ZNF618: variants seen among roughly 807,000 people sequenced by gnomAD.
The protein encoded by ZNF618 is zinc finger protein 618.
In ZNF618, 34 loss-of-function variants were observed where a neutral mutation model predicts 103.0. The observed-to-expected ratio is 0.33, with a 90% confidence interval of 0.25 to 0.44. The LOEUF (loss-of-function observed/expected upper bound fraction) is 0.44, where lower values mean the gene tolerates loss of function less well. Ranked by LOEUF, ZNF618 falls within the 20% of genes least tolerant of loss-of-function variation. ZNF618 has a pLI of 1.00. For synonymous variants in ZNF618, 551 were observed against 542.2 expected (o/e 1.02, Z -0.23); for missense variants, 1,059 against 1,295.4 (o/e 0.82, Z 2.80).
At chr9:113,930,121 A>G (rs758687822) in intron 1 of ZNF618, among the ~76,000 whole-genome samples, 1 of 152,168 alleles carries the variant, frequency 6.6e-6, no homozygotes, top group Non-Finnish European at 1.5e-5. Context: ...AAGGAGACCT[A>G]GTGTTACACG....
intron 1 of ZNF618, among the ~76,000 whole-genome samples, chr9:113,917,758 A>T (rs1025093631): frequency 3.3e-5 from 5 of 152,190 alleles, no homozygotes; most frequent in African/African-American, 9.7e-5. Flanking sequence ...CACATTTTTT[A>T]AAAAACTTTG....
chr9:113,985,511 G>A (rs980521532), intron 2 of ZNF618, among the ~76,000 whole-genome samples: 2 of 152,222 alleles, frequency 1.3e-5, no homozygotes, highest in Admixed American at 6.5e-5. Context: ...AGGCGGGCCC[G>A]TGCTCCCCTC....
At chr9:113,993,075 A>C (rs898228364) in intron 3 of ZNF618, among the ~76,000 whole-genome samples, 1 of 152,218 alleles carries the variant, frequency 6.6e-6, no homozygotes, top group South Asian at 2.1e-4. Flanking sequence ...GAAATGAAAG[A>C]AAGGAAGTTA....
intron 13 of ZNF618, among the ~76,000 whole-genome samples, chr9:114,046,224 G>A (rs191825817): frequency 1.3e-4 from 20 of 151,812 alleles, no homozygotes; most frequent in African/African-American, 3.9e-4. Context: ...TTACCTAATC[G>A]TCTAGCTAGA....
intron 1 of ZNF618, among the ~76,000 whole-genome samples, chr9:113,880,499 T>A (rs1214177717): frequency 2.0e-5 from 3 of 152,184 alleles, no homozygotes; most frequent in South Asian, 2.1e-4. Context: ...ATATCCCGAC[T>A]CCCATATTCT....
chr9:114,018,542 A>G (rs1842823846), intron 10 of ZNF618, among the ~76,000 whole-genome samples: 1 of 152,212 alleles, frequency 6.6e-6, no homozygotes, highest in Non-Finnish European at 1.5e-5. Context: ...CCATGGAGTT[A>G]GTAAGATGGG....
chr9:113,900,385 G>A (rs1201177337), intron 1 of ZNF618, among the ~76,000 whole-genome samples: 2 of 152,152 alleles, frequency 1.3e-5, no homozygotes, highest in Non-Finnish European at 2.9e-5. Context: ...TTTTAAATGC[G>A]ATTAACCCTA....
At chr9:113,898,446 T>G (rs1362510686) in intron 1 of ZNF618, among the ~76,000 whole-genome samples, 1 of 151,320 alleles carries the variant, frequency 6.6e-6, no homozygotes, top group Non-Finnish European at 1.5e-5. Flanking sequence ...TCGTTTTTTT[T>G]TTTTTTTTTT....
chr9:113,894,398 A>T (rs760533339), intron 1 of ZNF618, among the ~76,000 whole-genome samples: 2 of 152,162 alleles, frequency 1.3e-5, no homozygotes, highest in Non-Finnish European at 2.9e-5. Context: ...AGCCTTCTGG[A>T]ATGTGCTGTA....
chr9:113,926,568 T>A (rs1423114048), intron 1 of ZNF618, among the ~76,000 whole-genome samples: 1 of 152,192 alleles, frequency 6.6e-6, no homozygotes, highest in Non-Finnish European at 1.5e-5. Context: ...TTTACACTCT[T>A]TTTTCTCTGT....
chr9:113,885,880 TG>T (rs1829023415), intron 1 of ZNF618, among the ~76,000 whole-genome samples: 1 of 152,166 alleles, frequency 6.6e-6, no homozygotes, highest in Non-Finnish European at 1.5e-5. Flanking sequence ...ATAAATATTT[TG>T]GCTGACAAAG....
At chr9:113,918,897 G>A (rs1009059082) in intron 1 of ZNF618, among the ~76,000 whole-genome samples, 2 of 152,178 alleles carry the variant, frequency 1.3e-5, no homozygotes, top group Non-Finnish European at 2.9e-5. Context: ...TGTCTGGCAC[G>A]TTGTGGAGTC....
rs1564281850 is a variant in ZNF618, at chr9:114,002,048, C to T, written c.486C>T (p.Phe162=). Residue 162 remains phenylalanine (F), a synonymous_variant, in exon 5 of 15, where the codon TTC becomes TTT. Coordinates refer to ENST00000374126, the MANE Select transcript of ZNF618 (RefSeq NM_001318042.2). ...CGKKYKYYNC[F]QTHVRAHRDT... ...AGAAGTACAAGTATTACAACTGCTT[C>T]CAGACCCACGTGCGGGCGCACCGAG... 6.2e-7 allele frequency: 1 copy of T among 1,613,834 alleles called. No individual in the cohort carries two copies. The highest frequency in any genetic ancestry group is 8.5e-7 in the Non-Finnish European group (1 of 1,179,850).
At chr9:113,985,752 C>T (rs777436845) in intron 2 of ZNF618, among the ~76,000 whole-genome samples, 7 of 152,158 alleles carry the variant, frequency 4.6e-5, no homozygotes, top group African/African-American at 1.2e-4. Context: ...ATCAGGTCCC[C>T]GTCCCACCTC....
chr9:114,004,066 A>C (rs1401094896), intron 6 of ZNF618, among the ~76,000 whole-genome samples: 1 of 152,230 alleles, frequency 6.6e-6, no homozygotes. Flanking sequence ...CATAATAAAT[A>C]AACATTACCA....
At chr9:114,006,563 C>T (rs1250647407) in intron 6 of ZNF618, among the ~76,000 whole-genome samples, 1 of 152,212 alleles carries the variant, frequency 6.6e-6, no homozygotes, top group Non-Finnish European at 1.5e-5. Context: ...AAACTCCAAC[C>T]TCATGTTAGT....
At position 114,049,521 on chromosome 9, in the gene ZNF618, C is replaced by T. The variant is rs375702223; in HGVS notation, c.2219C>T (p.Thr740Met). The change falls in exon 15 of 15, where the codon ACG becomes ATG. Residue 740 changes from threonine (T) to methionine (M), a missense_variant. Thr to Met is a moderately conservative substitution (Grantham distance 81). Coordinates refer to ENST00000374126, the MANE Select transcript of ZNF618 (RefSeq NM_001318042.2). The part of the protein sequence containing the change: ...HLLSNLAAIL[T>M]PVKQAVIELS... ...CTCAGCAACCTGGCGGCCATCCTGACGCCGGTGAAGCAGGCAGTCATCGAG... is the reference window on the plus strand; with the variant it reads ...CTCAGCAACCTGGCGGCCATCCTGATGCCGGTGAAGCAGGCAGTCATCGAG... The T allele has an allele frequency of 7.6e-5, 123 of 1,613,560 alleles. No homozygotes were observed. The highest frequency in any genetic ancestry group is 1.3e-4 in the Admixed American group (8 of 59,954).
intron 1 of ZNF618, among the ~76,000 whole-genome samples, chr9:113,878,156 A>G (rs1828135382): frequency 6.8e-6 from 1 of 146,082 alleles, no homozygotes; most frequent in South Asian, 2.3e-4. Flanking sequence ...AAAATCCATT[A>G]GCCTTGATCA....
intron 3 of ZNF618, among the ~76,000 whole-genome samples, chr9:113,994,701 C>T (rs138115276): frequency 2.8e-3 from 420 of 152,238 alleles, no homozygotes; most frequent in Non-Finnish European, 4.3e-3. Flanking sequence ...AACGTAAAAC[C>T]AGTACCACTG....
Sources: gnomAD v4.1 joint callset for allele counts (sites outside exome capture counted in the v4.1 genomes callset) on GRCh38, gnomAD v4.1.1 for gene constraint, MANE v1.5 for transcripts, NCBI Gene and HGNC (gene_info 2026-07-23, HGNC 2026-07-21) for gene names.